Variants in SEMA6A observed in about 807,000 individuals in gnomAD.
SEMA6A encodes semaphorin-6A.
A neutral mutation model predicts 96.8 loss-of-function variants in SEMA6A; 25 were observed. That is an observed-to-expected ratio of 0.26 (90% CI 0.19 to 0.36). The LOEUF (loss-of-function observed/expected upper bound fraction) is 0.36. Among genes scored for constraint, SEMA6A ranks in the 10% least tolerant of loss-of-function variants. SEMA6A has a pLI of 1.00. For synonymous variants in SEMA6A, 612 were observed against 518.0 expected, an observed-to-expected ratio of 1.18 and a Z score of -2.46; for missense variants, 1,363 against 1,323.1, an observed-to-expected ratio of 1.03 and a Z score of -0.47.
intron 3 of SEMA6A, chr5:116,499,243 A>T (rs1757756587): frequency 1.3e-5 from 2 of 152,186 alleles, no homozygotes; most frequent in Admixed American, 6.5e-5. Flanking sequence ...TAAACCACAG[A>T]CCAGGGTCAG....
At chr5:116,515,786 A>T (rs1167034096) in intron 1 of SEMA6A, among the ~76,000 whole-genome samples, 1 of 152,194 alleles carries the variant, frequency 6.6e-6, no homozygotes, top group Non-Finnish European at 1.5e-5. Context: ...AAACGGCTGC[A>T]GGGATGTGTT....
chr5:116,458,253 T>C (rs896825589), intron 18 of SEMA6A, among the ~76,000 whole-genome samples: 2 of 152,192 alleles, frequency 1.3e-5, no homozygotes, highest in African/African-American at 4.8e-5. Flanking sequence ...CACAGTGCCG[T>C]TGAACCAATT....
In SEMA6A at chr5:116,482,553, C is replaced by A; in HGVS notation, c.985G>T (p.Ala329Ser). 6.2e-7 allele frequency: 1 copy of A among 1,613,648 alleles called. No homozygotes were observed. The highest frequency in any genetic ancestry group is 8.5e-7 in the Non-Finnish European group (1 of 1,179,674). ...CTGGCAATGTCAAGCATGTCATAGG[C>A]ACAGACTGCAGACCCAGGGATGCTA... Reference protein sequence around the residue: ...YNSIPGSAVCAYDMLDIASVF... With the variant: ...YNSIPGSAVCSYDMLDIASVF... Residue 329 changes from alanine to serine, a missense_variant, in exon 11 of 19, where the codon GCC (alanine) becomes TCC (serine). By Grantham distance (99) the Ala-to-Ser change is moderately conservative. Around this residue, in one of 2 missense-constraint regions of SEMA6A, gnomAD observed 480 missense variants for 559.5 expected, o/e 0.86. Transcript: ENST00000343348.
intron 1 of SEMA6A, among the ~76,000 whole-genome samples, chr5:116,553,723 A>G (rs551692870): frequency 1.0e-3 from 152 of 152,268 alleles, no homozygotes; most frequent in African/African-American, 3.6e-3. Flanking sequence ...GAGCCACACT[A>G]GAGAATGGGA....
intron 18 of SEMA6A, among the ~76,000 whole-genome samples, chr5:116,448,099 C>T (rs1426562194): frequency 1.4e-5 from 2 of 147,422 alleles, no homozygotes; most frequent in Admixed American, 6.9e-5. Flanking sequence ...TTTGGGAGGC[C>T]GAGGCGGGTG....
intron 1 of SEMA6A, chr5:116,562,668 T>C: frequency 1.4e-6 from 1 of 709,516 alleles, no homozygotes; most frequent in Non-Finnish European, 2.7e-6. Context: ...GTTGCACCCT[T>C]CAATGACACT....
In SEMA6A at chr5:116,475,556, C is replaced by T. The variant is rs1756402357; in HGVS notation, c.1697G>A (p.Gly566Glu). Residue 566 changes from glycine (G) to glutamate (E), a missense_variant, in exon 16 of 19, where the codon GGG becomes GAG. Around this residue, in one of 2 missense-constraint regions of SEMA6A, gnomAD observed 883 missense variants for 763.6 expected, o/e 1.16. Coordinates refer to ENST00000343348, the MANE Select transcript of SEMA6A (RefSeq NM_020796.5). The part of the protein sequence containing the change: ...DIERGNTDGL[G>E]DCHNSFVALN... ...AAGACTGTACTTACTGTGACAGTCC[C>T]CCAGACCATCTGTATTGCCACGCTC... 1.2e-6 allele frequency: 2 copies of T among 1,602,144 alleles called. No homozygotes were observed. Among genetic ancestry groups the T allele is most frequent in the Non-Finnish European group, 1.7e-6 (2 of 1,174,118 alleles).
intron 1 of SEMA6A, among the ~76,000 whole-genome samples, chr5:116,568,999 T>C (rs1380309585): frequency 6.6e-6 from 1 of 152,230 alleles, no homozygotes; most frequent in East Asian, 1.9e-4. Flanking sequence ...CAGCAAACAC[T>C]TGTTATGGAT....
At chr5:116,529,282 T>C (rs955722146) in intron 1 of SEMA6A, among the ~76,000 whole-genome samples, 6 of 152,270 alleles carry the variant, frequency 3.9e-5, no homozygotes, top group African/African-American at 1.2e-4. Flanking sequence ...GGTTAACAGA[T>C]ACAAAAGTAC....
At chr5:116,481,104 C>G (rs987608437) in intron 11 of SEMA6A, among the ~76,000 whole-genome samples, 5 of 152,148 alleles carry the variant, frequency 3.3e-5, no homozygotes, top group African/African-American at 1.2e-4. Flanking sequence ...ACCCAGCCAG[C>G]CCCGTAGAGC....
intron 1 of SEMA6A, among the ~76,000 whole-genome samples, chr5:116,563,347 C>T (rs1050771032): frequency 2.0e-5 from 3 of 152,142 alleles, no homozygotes; most frequent in African/African-American, 7.2e-5. Flanking sequence ...ACACCACTTA[C>T]AAATTTCAGT....
chr5:116,480,041 C>G (rs1288013727), intron 12 of SEMA6A, 81 bp downstream of exon 12: 6 of 1,515,392 alleles, frequency 4.0e-6, no homozygotes, highest in Non-Finnish European at 3.6e-6. Context: ...TGTGGCATTT[C>G]AAAGCATGAT....
In SEMA6A at chr5:116,545,015, C is replaced by G. The variant is rs937700128; in HGVS notation, c.-39+29170G>C. Among the ~76,000 whole-genome samples the G allele has an allele frequency of 5.9e-5, 9 of 152,162 alleles. No individual in the cohort carries two copies. In the East Asian group the frequency reaches 1.7e-3, roughly 29 times the overall value. Reference sequence around the variant, plus strand: ...CCTGGTCACCTGCTCCATCCTGACTCTTCCCCAACACCAGCTTTGACCTGA... The same window carrying G: ...CCTGGTCACCTGCTCCATCCTGACTGTTCCCCAACACCAGCTTTGACCTGA... On this transcript the variant is annotated intron_variant, in intron 1 of 18. Coordinates refer to ENST00000343348, the MANE Select transcript of SEMA6A (RefSeq NM_020796.5).
rs1754120571 is a variant in SEMA6A at position 116,445,482 on chromosome 5, C to T, written c.*1131G>A. On this transcript the variant is annotated 3_prime_UTR_variant, in exon 19 of 19. Coordinates refer to ENST00000343348, the MANE Select transcript of SEMA6A (RefSeq NM_020796.5). ...TGGGATGGCATATTGCAAGCTGGTG[C>T]CTTCACAGAAAGTCAGAACCATGGA... 6.6e-6 allele frequency: 1 copy of T among 152,630 alleles called. No individual in the cohort carries two copies. The highest frequency in any genetic ancestry group is 1.5e-5 in the Non-Finnish European group (1 of 68,036). The allele number at this position is 152,630 out of a possible 1,614,324, so 9.5% of individuals were successfully genotyped here. A position where few individuals can be genotyped will look rare whatever the true frequency, so the allele number is the denominator to read the frequency against.
chr5:116,540,052 C>CT (rs1319324086), intron 1 of SEMA6A, among the ~76,000 whole-genome samples: 2 of 151,984 alleles, frequency 1.3e-5, no homozygotes, highest in Non-Finnish European at 2.9e-5. Context: ...TTTTCTTGCG[C>CT]TAAACTGCAT....
In SEMA6A at chr5:116,478,557, A is replaced by G. The variant is rs1312384934; in HGVS notation, c.1412T>C (p.Val471Ala). Residue 471 changes from valine (V) to alanine (A), a missense_variant, in exon 13 of 19, where the codon GTT (valine) becomes GCT (alanine). Val to Ala is a moderately conservative substitution (Grantham distance 64, BLOSUM62 0). Coordinates refer to ENST00000343348, the MANE Select transcript of SEMA6A (RefSeq NM_020796.5). ...TTCCACTTACTTTTCAGAGTTGTAA[A>G]CACTCATCTCCTCCAGGAAAAGGCT... ...NDSLFLEEMS[V>A]YNSEKCSYDG... 1 of 1,611,596 alleles carries G rather than the reference A, an allele frequency of 6.2e-7. No individual in the cohort carries two copies. The highest frequency in any genetic ancestry group is 1.1e-5 in the South Asian group (1 of 90,364).
chr5:116,524,775 C>CACACACACACAG (rs1554090327), intron 1 of SEMA6A, among the ~76,000 whole-genome samples: 2 of 145,586 alleles, frequency 1.4e-5, no homozygotes, highest in Admixed American at 1.4e-4. Context: ...TATGTATACA[C>CACACACACACAG]ACACACACAC....
intron 1 of SEMA6A, among the ~76,000 whole-genome samples, chr5:116,524,654 CAG>C (rs935347830): frequency 2.6e-5 from 4 of 151,788 alleles, no homozygotes; most frequent in Admixed American, 2.6e-4. Context: ...ACAGTAATTA[CAG>C]AGTTTCCACT....
At chr5:116,554,617 C>T (rs976901491) in intron 1 of SEMA6A, 1 of 152,164 alleles carries the variant, frequency 6.6e-6, no homozygotes. Flanking sequence ...CATTTTAAGA[C>T]TTGCTTTGGT....
Sources: allele counts gnomAD v4.1 joint callset (sites outside exome capture counted in the v4.1 genomes callset), GRCh38; gene constraint gnomAD v4.1.1; regional missense constraint gnomAD v4.1.1; transcripts MANE v1.5; gene names NCBI Gene and HGNC (gene_info 2026-07-23, HGNC 2026-07-21).